Variants in DNAH14 observed in about 807,000 individuals in gnomAD.
DNAH14 encodes dynein axonemal heavy chain 14.
Under a neutral mutation model 520.9 loss-of-function variants are expected in DNAH14, and 478 were observed. The ratio of observed to expected loss-of-function variants is 0.92; its 90% confidence interval spans 0.85 to 0.99. The LOEUF (loss-of-function observed/expected upper bound fraction) is 0.99. Among genes scored for constraint, DNAH14 ranks in the 50% least tolerant of loss-of-function variants. The probability of loss-of-function intolerance (pLI) is 0.00; values close to 1 mark genes in which losing one functional copy is unlikely to be tolerated. For missense variants in DNAH14, 4,831 were observed against 5,234.5 expected (o/e 0.92, Z 2.38); for synonymous variants, 1,581 against 1,757.2 (o/e 0.90, Z 2.51).
intron 55 of DNAH14, among the ~76,000 whole-genome samples, chr1:225,295,283 T>G (rs181037238): frequency 1.6e-4 from 25 of 152,316 alleles, no homozygotes; most frequent in African/African-American, 6.0e-4. Flanking sequence ...ATTTATTTCC[T>G]TCTACTAATT....
At chr1:224,933,891 T>G (rs2058856446) in intron 1 of DNAH14, among the ~76,000 whole-genome samples, 1 of 152,052 alleles carries the variant, frequency 6.6e-6, no homozygotes, top group African/African-American at 2.4e-5. Context: ...TCTTCTTTTT[T>G]GTTGTTGTTG....
intron 71 of DNAH14, among the ~76,000 whole-genome samples, chr1:225,348,592 A>C (rs2095320790): frequency 6.6e-6 from 1 of 152,200 alleles, no homozygotes; most frequent in Non-Finnish European, 1.5e-5. Context: ...CTAAAAGAAA[A>C]AACTCTCAAC....
At chr1:225,211,873 A>AATTT (rs201563428) in intron 41 of DNAH14, among the ~76,000 whole-genome samples, 8,461 of 147,208 alleles carry the variant, frequency 0.057, 260 homozygotes, top group Middle Eastern at 0.13. Context: ...TTCAACCCAG[A>AATTT]ATTTATTTAT....
At chr1:224,987,527 G>C (rs969101919) in intron 8 of DNAH14, among the ~76,000 whole-genome samples, 1 of 152,198 alleles carries the variant, frequency 6.6e-6, no homozygotes, top group Non-Finnish European at 1.5e-5. Flanking sequence ...ACTGGCATCC[G>C]TTTAGGGCCT....
intron 21 of DNAH14, among the ~76,000 whole-genome samples, chr1:225,092,920 T>C (rs971439794): frequency 6.6e-6 from 1 of 152,026 alleles, no homozygotes; most frequent in Non-Finnish European, 1.5e-5. Flanking sequence ...CTAGAAACAC[T>C]AGAAGAAAGA....
intron 36 of DNAH14, among the ~76,000 whole-genome samples, chr1:225,183,480 A>C (rs967796024): frequency 5.3e-5 from 8 of 152,204 alleles, no homozygotes; most frequent in African/African-American, 1.7e-4. Flanking sequence ...TCAAATTAGC[A>C]ATCTAGCATT....
rs2095211723 is a variant in DNAH14 at position 225,342,608 on chromosome 1, T to C, written c.10678+1907T>C. On this transcript the variant is annotated intron_variant, in intron 69 of 85. Coordinates refer to ENST00000682510, the MANE Select transcript of DNAH14 (RefSeq NM_001367479.1). ...GAGATTCATCAATTCCATTGATTCT[T>C]TTTCTTAATGCCAGTAAAGGTAAAT... 2.6e-5 allele frequency among the ~76,000 whole-genome samples: 4 copies of C among 152,120 alleles called. 1 individual carries two copies. The South Asian group carries it at 6.2e-4, about 24-fold the overall frequency.
chr1:224,947,873 T>C (rs1453680288), intron 1 of DNAH14, among the ~76,000 whole-genome samples: 3 of 152,088 alleles, frequency 2.0e-5, no homozygotes, highest in Non-Finnish European at 4.4e-5. Flanking sequence ...TCTACTCTAA[T>C]TGTATTGTGG....
In DNAH14 at chr1:225,038,704, G is replaced by A. The variant is rs2067187282; in HGVS notation, c.1369G>A (p.Asp457Asn). ...CATTTCTTAATCCAGAACATTCAAG[G>A]ACAACTCTTTTCCTACTGGAAAGAC... ...KNENLIRTFK[D>N]NSFPTGKTTN... Residue 457 changes from aspartate to asparagine, a missense_variant, in exon 12 of 86, where the codon GAC becomes AAC. Asp to Asn is a conservative substitution (Grantham distance 23). Coordinates refer to ENST00000682510, the MANE Select transcript of DNAH14 (RefSeq NM_001367479.1). The A allele has an allele frequency of 6.5e-7, 1 of 1,527,576 alleles. No homozygotes were observed. The highest frequency in any genetic ancestry group is 8.8e-7 in the Non-Finnish European group (1 of 1,140,086). The allele number at this position is 1,527,576 out of a possible 1,614,324, so 94.6% of individuals were successfully genotyped here.
chr1:224,976,423 T>C (rs1056259201), intron 8 of DNAH14, among the ~76,000 whole-genome samples: 10 of 152,008 alleles, frequency 6.6e-5, no homozygotes, highest in Admixed American at 4.6e-4. Context: ...GGACATAGGC[T>C]TGGGCAAGGA....
At chr1:225,319,466 G>A (rs2094522394) in intron 61 of DNAH14, among the ~76,000 whole-genome samples, 1 of 152,090 alleles carries the variant, frequency 6.6e-6, no homozygotes, top group Admixed American at 6.5e-5. Flanking sequence ...GAAATTTGGA[G>A]CAAACCTACC....
Position 225,301,034 on chromosome 1 carries a change from C to A in DNAH14, c.8631+4C>A. 6.5e-7 allele frequency: 1 copy of A among 1,545,956 alleles called. No homozygotes were observed. The highest frequency in any genetic ancestry group is 8.7e-7 in the Non-Finnish European group (1 of 1,144,998). On this transcript the variant is annotated splice_donor_region_variant and intron_variant, in intron 56 of 85. Coordinates refer to ENST00000682510, the MANE Select transcript of DNAH14 (RefSeq NM_001367479.1). Reference sequence around the variant, plus strand: ...TTTACTTTCATTCTTTCAAAAGGTACTTTTTTGTGACTTGGCTTTATCAAA... The same window carrying A: ...TTTACTTTCATTCTTTCAAAAGGTAATTTTTTGTGACTTGGCTTTATCAAA...
chr1:225,121,421 C>G (rs917379509), intron 26 of DNAH14, among the ~76,000 whole-genome samples: 3 of 152,166 alleles, frequency 2.0e-5, no homozygotes, highest in Admixed American at 6.6e-5. Context: ...CACTTTCACC[C>G]TCTGGTTAAC....
chr1:225,335,911 A>G (rs1334793899), intron 66 of DNAH14, among the ~76,000 whole-genome samples: 12 of 130,312 alleles, frequency 9.2e-5, no homozygotes, highest in African/African-American at 1.4e-4. Context: ...ATATGCATGT[A>G]TGTATATATG....
chr1:225,171,858 A>G (rs1448828947), intron 36 of DNAH14, among the ~76,000 whole-genome samples: 1 of 150,796 alleles, frequency 6.6e-6, no homozygotes, highest in Non-Finnish European at 1.5e-5. Flanking sequence ...ATCGATGCAA[A>G]AATCCTCAAT....
intron 10 of DNAH14, among the ~76,000 whole-genome samples, chr1:225,020,791 A>T (rs1572514906): frequency 6.6e-6 from 1 of 152,212 alleles, no homozygotes; most frequent in South Asian, 2.1e-4. Flanking sequence ...AGGAGGAAGG[A>T]CTCCTCCGTA....
intron 23 of DNAH14, among the ~76,000 whole-genome samples, chr1:225,108,433 C>T (rs1246720059): frequency 6.6e-6 from 1 of 152,174 alleles, no homozygotes; most frequent in Non-Finnish European, 1.5e-5. Context: ...TACATCTATC[C>T]TATTAGTCCT....
At chr1:225,225,327 T>G (rs2090434608) in intron 41 of DNAH14, among the ~76,000 whole-genome samples, 1 of 152,192 alleles carries the variant, frequency 6.6e-6, no homozygotes, top group African/African-American at 2.4e-5. Context: ...AATTCTCACT[T>G]AATTAGTTAT....
intron 62 of DNAH14, among the ~76,000 whole-genome samples, chr1:225,323,518 C>G (rs567604933): frequency 6.6e-6 from 1 of 152,252 alleles, no homozygotes; most frequent in Admixed American, 6.5e-5. Flanking sequence ...CTCTGTCACC[C>G]AGGCTGGAGA....
Sources: allele counts gnomAD v4.1 joint callset (sites outside exome capture counted in the v4.1 genomes callset), GRCh38; gene constraint gnomAD v4.1.1; transcripts MANE v1.5; gene names NCBI Gene and HGNC (gene_info 2026-07-23, HGNC 2026-07-21).